Variants in ARHGAP24 observed in about 807,000 individuals in gnomAD.
The protein encoded by ARHGAP24 is Rho GTPase activating protein 24, also known as rho GTPase-activating protein 24.
Under a neutral mutation model 76.4 loss-of-function variants are expected in ARHGAP24, and 50 were observed. The observed-to-expected ratio is 0.65, with a 90% CI of 0.52 to 0.83. ARHGAP24 has a LOEUF of 0.83. Among genes scored for constraint, ARHGAP24 ranks in the 40% least tolerant of loss-of-function variants. ARHGAP24 has a pLI of 0.00. For missense variants in ARHGAP24, 930 were observed against 914.2 expected (o/e 1.02, Z -0.22); for synonymous variants, 345 against 323.3 (o/e 1.07, Z -0.72).
chr4:85,661,815 A>G (rs1001035489), intron 2 of ARHGAP24, among the ~76,000 whole-genome samples: 2 of 151,938 alleles, frequency 1.3e-5, no homozygotes, highest in African/African-American at 2.4e-5. Context: ...ATGATTTCCA[A>G]TTTCATCCAT....
intron 5 of ARHGAP24, among the ~76,000 whole-genome samples, chr4:85,954,002 G>A (rs1737769415): frequency 6.6e-6 from 1 of 152,144 alleles, no homozygotes; most frequent in South Asian, 2.1e-4. Flanking sequence ...ACAGTGGAGG[G>A]CTCTGAAATC....
At chr4:85,700,077 T>TAA (rs1171511450) in intron 2 of ARHGAP24, among the ~76,000 whole-genome samples, 4 of 152,076 alleles carry the variant, frequency 2.6e-5, no homozygotes, top group African/African-American at 9.7e-5. Flanking sequence ...GTAGAGGTAA[T>TAA]AAGTGACCAG....
chr4:85,625,266 G>T (rs1228704356), intron 2 of ARHGAP24, among the ~76,000 whole-genome samples: 1 of 152,098 alleles, frequency 6.6e-6, no homozygotes, highest in South Asian at 2.1e-4. Flanking sequence ...ATTCTGGTAC[G>T]TTGTGTCTTT....
chr4:85,861,840 T>C (rs1325526357), intron 3 of ARHGAP24, among the ~76,000 whole-genome samples: 1 of 152,046 alleles, frequency 6.6e-6, no homozygotes, highest in Non-Finnish European at 1.5e-5. Flanking sequence ...ACTATACATG[T>C]GCAGTCACAG....
At chr4:85,724,826 A>G (rs1017327632) in intron 3 of ARHGAP24, among the ~76,000 whole-genome samples, 14 of 152,252 alleles carry the variant, frequency 9.2e-5, no homozygotes, top group Non-Finnish European at 4.4e-5. Context: ...TTTTCGCTCC[A>G]AATTTTTCCT....
At chr4:85,498,861 G>A (rs1723685266) in intron 1 of ARHGAP24, among the ~76,000 whole-genome samples, 1 of 152,208 alleles carries the variant, frequency 6.6e-6, no homozygotes, top group Non-Finnish European at 1.5e-5. Context: ...CTAAGAAAAT[G>A]AAAGTTCCCT....
intron 4 of ARHGAP24, among the ~76,000 whole-genome samples, chr4:85,940,147 C>T (rs372263528): frequency 1.3e-4 from 20 of 152,174 alleles, no homozygotes; most frequent in African/African-American, 4.3e-4. Flanking sequence ...AAAGTTGTTA[C>T]TACCATTGAA....
intron 2 of ARHGAP24, among the ~76,000 whole-genome samples, chr4:85,666,103 CAG>C (rs1722604076): frequency 6.6e-6 from 1 of 152,206 alleles, no homozygotes; most frequent in Non-Finnish European, 1.5e-5. Context: ...TAATATCCTG[CAG>C]AGTGTTTTCC....
At chr4:85,737,297 A>G (rs1422620339) in intron 3 of ARHGAP24, among the ~76,000 whole-genome samples, 2 of 152,134 alleles carry the variant, frequency 1.3e-5, no homozygotes, top group African/African-American at 4.8e-5. Flanking sequence ...ACTCTAGTGG[A>G]TTTGATTTCT....
chr4:85,914,261 A>T (rs1185831952), intron 3 of ARHGAP24, among the ~76,000 whole-genome samples: 1 of 152,254 alleles, frequency 6.6e-6, no homozygotes, highest in East Asian at 1.9e-4. Context: ...GTTGAAATAC[A>T]TGAATTCTAA....
chr4:85,778,774 C>T (rs1299255031), intron 3 of ARHGAP24: 1 of 985,204 alleles, frequency 1.0e-6, no homozygotes, highest in Non-Finnish European at 1.2e-6. Flanking sequence ...GAGTTTATAT[C>T]CCCTTCTACA....
chr4:85,852,408 C>T (rs1226160260), intron 3 of ARHGAP24, among the ~76,000 whole-genome samples: 1 of 152,148 alleles, frequency 6.6e-6, no homozygotes, highest in Non-Finnish European at 1.5e-5. Flanking sequence ...TCCTTTAGCT[C>T]AGAGAAATTT....
At chr4:85,824,440 A>G (rs1306083069) in intron 3 of ARHGAP24, among the ~76,000 whole-genome samples, 34 of 152,240 alleles carry the variant, frequency 2.2e-4, no homozygotes, top group Non-Finnish European at 1.5e-5. Flanking sequence ...AAATACTACA[A>G]GGATTTCAGG....
At chr4:85,501,314 T>A (rs1723806231) in intron 1 of ARHGAP24, among the ~76,000 whole-genome samples, 1 of 152,248 alleles carries the variant, frequency 6.6e-6, no homozygotes, top group South Asian at 2.1e-4. Flanking sequence ...TCTTCCACAA[T>A]GGTTGAACTA....
At chr4:85,637,984 G>C (rs2109968021) in intron 2 of ARHGAP24, among the ~76,000 whole-genome samples, 1 of 152,190 alleles carries the variant, frequency 6.6e-6, no homozygotes, top group Non-Finnish European at 1.5e-5. Context: ...CTGAGCAGAA[G>C]CTTCTGCTGT....
intron 3 of ARHGAP24, among the ~76,000 whole-genome samples, chr4:85,821,559 T>G (rs933655548): frequency 6.6e-6 from 1 of 152,158 alleles, no homozygotes; most frequent in Non-Finnish European, 1.5e-5. Flanking sequence ...AAAAATACTT[T>G]GTAGAAAAAA....
At chr4:85,764,747 A>C (rs1269210924) in intron 3 of ARHGAP24, among the ~76,000 whole-genome samples, 1 of 152,156 alleles carries the variant, frequency 6.6e-6, no homozygotes, top group Non-Finnish European at 1.5e-5. Flanking sequence ...GCTCACAAGG[A>C]AAGAAAGAGG....
At chr4:85,607,330 AG>A (rs1033625635) in intron 2 of ARHGAP24, among the ~76,000 whole-genome samples, 1 of 151,920 alleles carries the variant, frequency 6.6e-6, no homozygotes, top group Admixed American at 6.6e-5. Flanking sequence ...CAAAATACCA[AG>A]GATCGTCAAA....
intron 3 of ARHGAP24, among the ~76,000 whole-genome samples, chr4:85,803,321 C>G (rs17395755): frequency 0.023 from 3,572 of 152,276 alleles, 50 homozygotes; most frequent in Non-Finnish European, 0.037. Context: ...TTAGAAAATA[C>G]ATTGCTGTAG....
Sources: gnomAD v4.1 joint callset for allele counts (sites outside exome capture counted in the v4.1 genomes callset) on GRCh38, gnomAD v4.1.1 for gene constraint, MANE v1.5 for transcripts, NCBI Gene and HGNC (gene_info 2026-07-23, HGNC 2026-07-21) for gene names.